Variants in FGD6 observed in about 807,000 individuals in gnomAD.
FGD6 encodes FYVE, RhoGEF and PH domain-containing protein 6.
Under a neutral mutation model 149.4 loss-of-function variants are expected in FGD6, and 90 were observed. The ratio of observed to expected loss-of-function variants is 0.60; its 90% confidence interval spans 0.51 to 0.72. FGD6 has a LOEUF of 0.72. Ranked by LOEUF, FGD6 falls within the 30% of genes least tolerant of loss-of-function variation. The pLI, the probability that FGD6 is intolerant of heterozygous loss-of-function variation, is 0.00. For synonymous variants in FGD6, 527 were observed against 584.0 expected, an observed-to-expected ratio of 0.90 and a Z score of 1.41; for missense variants, 1,437 against 1,684.8, an observed-to-expected ratio of 0.85 and a Z score of 2.57.
In FGD6 at chr12:95,174,858, C is replaced by T. The variant is rs1017140737; in HGVS notation, c.2442-2114G>A. Among the ~76,000 whole-genome samples the T allele has an allele frequency of 3.8e-5, 5 of 133,266 alleles. No individual in the cohort carries two copies. In the Admixed American group the frequency reaches 4.6e-4, roughly 12 times the overall value. 87.4% of individuals were successfully genotyped at this position (133,266 alleles called of 152,430 possible). A position where few individuals can be genotyped will look rare whatever the true frequency, so the allele number is the denominator to read the frequency against. On this transcript the variant is annotated intron_variant, in intron 2 of 20. Coordinates refer to ENST00000343958, the MANE Select transcript of FGD6 (RefSeq NM_018351.4). ...CAGAGAATGGCGTGAACCCGGGAGG[C>T]GGAGCTTGCAGTGAGCCGAGGCTGC...
chr12:95,086,705 A>AT (rs893633099), intron 18 of FGD6, among the ~76,000 whole-genome samples: 1,787 of 136,648 alleles, frequency 0.013, 33 homozygotes, highest in African/African-American at 0.039. Context: ...ACGTCCGGCT[A>AT]TTTTTTTTTT....
In FGD6 at chr12:95,172,747, G is replaced by A. The variant is rs79045560; in HGVS notation, c.2442-3C>T. 37 of 1,575,646 alleles carry A rather than the reference G, an allele frequency of 2.3e-5. No homozygotes were observed. In the East Asian group the frequency reaches 7.7e-4, roughly 33 times the overall value. ...GTTCCTCCTGGGATGCTCCTGAACT[G>A]CATTCAACAGAAAGCAGGTATTAGT... On this transcript the variant is annotated splice_region_variant and splice_polypyrimidine_tract_variant and intron_variant, in intron 2 of 20. Transcript: ENST00000343958.
At position 95,210,824 on chromosome 12, in the gene FGD6, T is replaced by TTA; in HGVS notation, c.458_459dup (p.Lys154Ter). 1 of 1,613,372 alleles carries TTA rather than the reference T, an allele frequency of 6.2e-7. No individual in the cohort carries two copies. On this transcript the variant is annotated frameshift_variant, in exon 2 of 21. Transcript: ENST00000343958. LOFTEE classifies it high-confidence loss of function. ...TACAAATCACATTTACTCCTAGTTTTTATAGTCAAAGTCTCATCAATTTTA... is the reference window on the plus strand; with the variant it reads ...TACAAATCACATTTACTCCTAGTTTTTATATAGTCAAAGTCTCATCAATTTTA...
intron 9 of FGD6, among the ~76,000 whole-genome samples, chr12:95,113,349 CAG>C (rs1379057377): frequency 6.6e-6 from 1 of 151,472 alleles, no homozygotes; most frequent in East Asian, 1.9e-4. Flanking sequence ...TCTCCTGCCT[CAG>C]CCTCCCAAGA....
At chr12:95,189,653 G>GAAAAAAAAA (rs10582401) in intron 2 of FGD6, 2 of 124,098 alleles carry the variant, frequency 1.6e-5, no homozygotes, top group Non-Finnish European at 3.3e-5. Context: ...TGTTTCATAG[G>GAAAAAAAAA]AAAAAAAAAA....
At chr12:95,085,757 C>T in intron 19 of FGD6, 23 bp downstream of exon 19, 1 of 1,579,794 alleles carries the variant, frequency 6.3e-7, no homozygotes, top group Non-Finnish European at 8.6e-7. Flanking sequence ...CCAAATTACT[C>T]ATCTTTAGAT....
chr12:95,204,383 C>T (rs1419302305), intron 2 of FGD6, among the ~76,000 whole-genome samples: 1 of 152,012 alleles, frequency 6.6e-6, no homozygotes, highest in East Asian at 1.9e-4. Context: ...CTCAATTAGC[C>T]GAATGATGCA....
chr12:95,094,837 A>G (rs1878186337), intron 14 of FGD6, 143 bp from the exon 15 acceptor site: 3 of 628,394 alleles, frequency 4.8e-6, no homozygotes, highest in Non-Finnish European at 8.5e-6. Context: ...GAGTTGAGGC[A>G]GGTTTAGTGA....
In FGD6 at chr12:95,076,872, T is replaced by G. The variant is rs1039423816; in HGVS notation, c.*4648A>C. 3 of 152,012 alleles carry G rather than the reference T, an allele frequency of 2.0e-5. No homozygotes were observed. The highest frequency in any genetic ancestry group is 2.9e-5 in the Non-Finnish European group (2 of 68,016). 9.4% of individuals were successfully genotyped at this position (152,012 alleles called of 1,614,324 possible). ...CTGTTATCATTTTAAGTACAAAGTA[T>G]TTCTAGAAATACATTATAAGCCATT... On this transcript the variant is annotated 3_prime_UTR_variant, in exon 21 of 21. Transcript: ENST00000343958.
intron 3 of FGD6, among the ~76,000 whole-genome samples, chr12:95,171,151 A>G (rs988262969): frequency 1.3e-5 from 2 of 152,208 alleles, no homozygotes; most frequent in African/African-American, 2.4e-5. Context: ...AAAAGGTTAA[A>G]TAATTGGCCC....
intron 2 of FGD6, among the ~76,000 whole-genome samples, chr12:95,186,470 T>C (rs764258991): frequency 1.3e-5 from 2 of 150,642 alleles, no homozygotes; most frequent in Non-Finnish European, 3.0e-5. Flanking sequence ...AGTGCTGGGA[T>C]TATAGGCATG....
chr12:95,108,625 T>G, intron 9 of FGD6, 64 bp from the exon 10 acceptor site: 1 of 1,579,260 alleles, frequency 6.3e-7, no homozygotes, highest in Non-Finnish European at 8.7e-7. Flanking sequence ...GTTTGCAACA[T>G]TAAGCAATTC....
chr12:95,158,795 G>C (rs945240507), intron 3 of FGD6, among the ~76,000 whole-genome samples: 1 of 151,992 alleles, frequency 6.6e-6, no homozygotes, highest in Non-Finnish European at 1.5e-5. Flanking sequence ...GCCAAGGTGG[G>C]AGGATTGCTT....
In FGD6 at chr12:95,128,867, A is replaced by C. The variant is rs189048942; in HGVS notation, c.3082+5872T>G. On this transcript the variant is annotated intron_variant, in intron 8 of 20. Transcript: ENST00000343958. Reference sequence around the variant, plus strand: ...GAAGGACAGCTTTCAGGAGACAGCAAGAAACCTACTATAGCTAGACTAAAG... The same window carrying C: ...GAAGGACAGCTTTCAGGAGACAGCACGAAACCTACTATAGCTAGACTAAAG... Among the ~76,000 whole-genome samples, 144 of 152,354 alleles carry C rather than the reference A, an allele frequency of 9.5e-4. 1 individual carries two copies. The highest frequency in any genetic ancestry group is 1.6e-3 in the Non-Finnish European group (108 of 68,034).
In FGD6 at chr12:95,078,373, A is replaced by T. The variant is rs996303617; in HGVS notation, c.*3147T>A. 1 of 152,248 alleles carries T rather than the reference A, an allele frequency of 6.6e-6. No individual in the cohort carries two copies. Among genetic ancestry groups the T allele is most frequent in the South Asian group, 2.1e-4 (1 of 4,838 alleles). 9.4% of individuals were successfully genotyped at this position (152,248 alleles called of 1,614,324 possible). ...GAAGCACACTCCAAAACATACCAAC[A>T]TATGCTGTGATATAACATTTACATT... On this transcript the variant is annotated 3_prime_UTR_variant, in exon 21 of 21. Transcript: ENST00000343958.
At chr12:95,149,549 A>G (rs1173706609) in intron 5 of FGD6, among the ~76,000 whole-genome samples, 1 of 139,230 alleles carries the variant, frequency 7.2e-6, no homozygotes, top group African/African-American at 2.6e-5. Context: ...TATATAATAT[A>G]TATAGTATAA....
rs1173446654 is a variant in FGD6, at chr12:95,082,984, TAAAAAA to T, written c.4257-1434_4257-1429del. 1.4e-3 allele frequency among the ~76,000 whole-genome samples: 43 copies of T among 31,122 alleles called. 1 individual carries two copies. The highest frequency in any genetic ancestry group is 5.0e-3 in the African/African-American group (34 of 6,762). The allele number at this position is 31,122 out of a possible 152,430, so 20.4% of individuals were successfully genotyped here. A position where few individuals can be genotyped will look rare whatever the true frequency, so the allele number is the denominator to read the frequency against. ...CAACATTGCTAGACTCTGTCTCCAT[TAAAAAA>T]AAAAAAAAAAAAAAAAAAAAAAATA... is the stretch of plus-strand genomic sequence containing the variant. On this transcript the variant is annotated intron_variant, in intron 20 of 20. Coordinates refer to ENST00000343958, the MANE Select transcript of FGD6 (RefSeq NM_018351.4).
chr12:95,112,315 C>T (rs866295452), intron 9 of FGD6, among the ~76,000 whole-genome samples: 4 of 150,704 alleles, frequency 2.7e-5, no homozygotes, highest in African/African-American at 7.3e-5. Flanking sequence ...TAGACCCAGG[C>T]GTTGCTGGGC....
intron 7 of FGD6, among the ~76,000 whole-genome samples, chr12:95,136,545 C>T (rs910321181): frequency 1.3e-5 from 2 of 152,112 alleles, no homozygotes; most frequent in African/African-American, 2.4e-5. Context: ...AGGGTTCCAC[C>T]CTCACAGCTC....
Sources: gnomAD v4.1 joint callset for allele counts (sites outside exome capture counted in the v4.1 genomes callset) on GRCh38, gnomAD v4.1.1 for gene constraint, MANE v1.5 for transcripts, NCBI Gene and HGNC (gene_info 2026-07-23, HGNC 2026-07-21) for gene names.